Variants in TMEM123 observed in about 807,000 individuals in gnomAD.
The protein encoded by TMEM123 is porimin.
In TMEM123, 16 loss-of-function variants were observed where a neutral mutation model predicts 19.7. That is an observed-to-expected ratio of 0.81 (90% CI 0.55 to 1.23). The LOEUF is 1.23. TMEM123 is among the 50% of genes most tolerant of loss of function. The pLI is 0.00. For missense variants in TMEM123, 313 were observed against 257.8 expected, an observed-to-expected ratio of 1.21 and a Z score of -1.47; for synonymous variants, 118 against 99.4, an observed-to-expected ratio of 1.19 and a Z score of -1.12.
At chr11:102,437,497 T>C (rs1234204771) in intron 2 of TMEM123, among the ~76,000 whole-genome samples, 1 of 152,116 alleles carries the variant, frequency 6.6e-6, no homozygotes, top group Non-Finnish European at 1.5e-5. Flanking sequence ...TTTAAAATGT[T>C]AAATGTTCCC....
chr11:102,398,781 A>C lies in TMEM123; in HGVS notation c.*86T>G. 1 of 1,355,268 alleles carries C rather than the reference A, an allele frequency of 7.4e-7. No homozygotes were observed. The allele number at this position is 1,355,268 out of a possible 1,614,324, so 84.0% of individuals were successfully genotyped here. A position where few individuals can be genotyped will look rare whatever the true frequency, so the allele number is the denominator to read the frequency against. On this transcript the variant is annotated 3_prime_UTR_variant, in exon 5 of 5. Coordinates refer to ENST00000398136, the MANE Select transcript of TMEM123 (RefSeq NM_052932.3). ...GCCTGTTTATACTATTTTCAAAAAGAGAATATTGTTTTAAACTATTAATAA... is the reference window on the plus strand; with the variant it reads ...GCCTGTTTATACTATTTTCAAAAAGCGAATATTGTTTTAAACTATTAATAA...
In TMEM123 at chr11:102,401,523, G is replaced by A. The variant is rs199713215; in HGVS notation, c.602+16C>T. 5.0e-4 allele frequency: 780 copies of A among 1,548,412 alleles called. 1 individual carries two copies. Among genetic ancestry groups the A allele is most frequent in the Non-Finnish European group, 6.4e-4 (737 of 1,156,642 alleles). ...CAACAATTTTTTTTAAAAAGTCCTG[G>A]CCATTCAAAACTTACATGGTTCGAT... is the stretch of plus-strand genomic sequence containing the variant. On this transcript the variant is annotated intron_variant, in intron 4 of 4. Transcript: ENST00000398136.
At chr11:102,413,735 A>G (rs1591556804) in intron 2 of TMEM123, among the ~76,000 whole-genome samples, 2 of 152,198 alleles carry the variant, frequency 1.3e-5, no homozygotes, top group African/African-American at 4.8e-5. Flanking sequence ...GCCTCAAAGG[A>G]CAGCAACTTC....
At chr11:102,442,409 C>T (rs1050359201) in intron 2 of TMEM123, among the ~76,000 whole-genome samples, 7 of 152,144 alleles carry the variant, frequency 4.6e-5, no homozygotes, top group Admixed American at 2.0e-4. Flanking sequence ...AATCAATAAA[C>T]GTAATCCAGC....
At chr11:102,420,780 G>C (rs1250496454) in intron 2 of TMEM123, among the ~76,000 whole-genome samples, 2 of 152,240 alleles carry the variant, frequency 1.3e-5, no homozygotes, top group East Asian at 3.9e-4. Flanking sequence ...AAAACTAGGG[G>C]GCCACCGGGC....
intron 2 of TMEM123, among the ~76,000 whole-genome samples, chr11:102,417,265 G>A (rs750239609): frequency 2.6e-5 from 4 of 152,076 alleles, no homozygotes; most frequent in Non-Finnish European, 4.4e-5. Context: ...TCTGCCCAAG[G>A]GCTCCTAGAT....
intron 2 of TMEM123, among the ~76,000 whole-genome samples, chr11:102,442,380 G>A (rs1857836518): frequency 6.6e-6 from 1 of 152,188 alleles, no homozygotes; most frequent in African/African-American, 2.4e-5. Context: ...TGGGATGCAA[G>A]ACTGGTTCAA....
rs1951920286 is a variant in TMEM123, at chr11:102,402,191, A to T, written c.173T>A (p.Val58Glu). The T allele has an allele frequency of 6.2e-7, 1 of 1,613,994 alleles. No homozygotes were observed. Among genetic ancestry groups the T allele is most frequent in the Non-Finnish European group, 8.5e-7 (1 of 1,179,904 alleles). ...SANSTETLQHVPSDHTNETSN... is the reference protein window; with the variant it reads ...SANSTETLQHEPSDHTNETSN... ...AGTTTCATTTGTATGGTCAGAAGGC[A>T]CATGTTGGAGAGTCTCTGCAATAAT... Residue 58 changes from valine to glutamate, a missense_variant, in exon 3 of 5, where the codon GTG (valine) becomes GAG (glutamate). Physicochemically the swap from Val to Glu is moderately radical, Grantham distance 121 (BLOSUM62 -2). Coordinates refer to ENST00000398136, the MANE Select transcript of TMEM123 (RefSeq NM_052932.3).
At chr11:102,436,933 C>T (rs142017271) in intron 2 of TMEM123, among the ~76,000 whole-genome samples, 178 of 152,330 alleles carry the variant, frequency 1.2e-3, no homozygotes, top group Non-Finnish European at 1.9e-3. Flanking sequence ...GGAAAAACAA[C>T]AGGAACCCAG....
intron 2 of TMEM123, among the ~76,000 whole-genome samples, chr11:102,417,280 T>G (rs970471480): frequency 6.6e-6 from 1 of 152,176 alleles, no homozygotes; most frequent in East Asian, 1.9e-4. Flanking sequence ...CTAGATCTGA[T>G]TAACAATTTC....
chr11:102,407,605 C>G (rs1051210266), intron 2 of TMEM123, among the ~76,000 whole-genome samples: 1 of 152,074 alleles, frequency 6.6e-6, no homozygotes, highest in Non-Finnish European at 1.5e-5. Flanking sequence ...GGTTGGTGAC[C>G]TTATTAAAAG....
intron 2 of TMEM123, among the ~76,000 whole-genome samples, chr11:102,433,269 C>T (rs184780069): frequency 1.3e-5 from 2 of 152,126 alleles, no homozygotes; most frequent in African/African-American, 4.8e-5. Flanking sequence ...CTCTGCAAAG[C>T]CACAGGGGTG....
intron 2 of TMEM123, among the ~76,000 whole-genome samples, chr11:102,431,875 A>G (rs1857714020): frequency 6.6e-6 from 1 of 151,976 alleles, no homozygotes; most frequent in African/African-American, 2.4e-5. Flanking sequence ...AGTTCTCAGG[A>G]GATCTGATGG....
Position 102,408,958 on chromosome 11 carries a change from C to T in TMEM123, c.158-6752G>A, listed in dbSNP as rs890309939. Among the ~76,000 whole-genome samples the T allele has an allele frequency of 5.9e-5, 9 of 152,114 alleles. No individual in the cohort carries two copies. In the South Asian group the frequency reaches 8.3e-4, roughly 14 times the overall value. ...TACTCCTCAAAGTCTGGATTCATTCCGACTATCTCTGCTGTGTTGAAATAA... is the reference window on the plus strand; with the variant it reads ...TACTCCTCAAAGTCTGGATTCATTCTGACTATCTCTGCTGTGTTGAAATAA... On this transcript the variant is annotated intron_variant, in intron 2 of 4. Coordinates refer to ENST00000398136, the MANE Select transcript of TMEM123 (RefSeq NM_052932.3).
At chr11:102,400,069 A>G (rs1490380037) in intron 4 of TMEM123, among the ~76,000 whole-genome samples, 1 of 152,236 alleles carries the variant, frequency 6.6e-6, no homozygotes, top group East Asian at 1.9e-4. Context: ...ATGTTTATTT[A>G]GAGCTTATGT....
intron 4 of TMEM123, among the ~76,000 whole-genome samples, chr11:102,400,933 G>A (rs1406205561): frequency 6.6e-6 from 1 of 152,198 alleles, no homozygotes; most frequent in Non-Finnish European, 1.5e-5. Flanking sequence ...GACTATTGGA[G>A]CAACAAAAGT....
chr11:102,429,968 A>G (rs116187548), intron 2 of TMEM123, among the ~76,000 whole-genome samples: 85 of 152,350 alleles, frequency 5.6e-4, no homozygotes, highest in African/African-American at 1.9e-3. Context: ...CACAGCAGGA[A>G]GACTGGTGGC....
rs1857957839 is a variant in TMEM123 at position 102,452,677 on chromosome 11, G to C, written c.-54C>G. The C allele has an allele frequency of 6.0e-6, 8 of 1,337,216 alleles. 1 individual carries two copies. The South Asian group carries it at 1.1e-4, about 19-fold the overall frequency. The allele number at this position is 1,337,216 out of a possible 1,614,324, so 82.8% of individuals were successfully genotyped here. A position where few individuals can be genotyped will look rare whatever the true frequency, so the allele number is the denominator to read the frequency against. On this transcript the variant is annotated 5_prime_UTR_variant, in exon 1 of 5. Coordinates refer to ENST00000398136, the MANE Select transcript of TMEM123 (RefSeq NM_052932.3). ...GTGGGCTCCCAGCCGAGGTGGCGGC[G>C]GCGAGAGCGGCTCCTCTGCGCAGCC...
At position 102,403,688 on chromosome 11, in the gene TMEM123, G is replaced by A. The variant is rs141195276; in HGVS notation, c.158-1482C>T. ...TTGAAATTTGATCTCCAATGTGGCG[G>A]TCTTGGGAGGTGGGGCCTAGTGGGA... On this transcript the variant is annotated intron_variant, in intron 2 of 4. Transcript: ENST00000398136. 7.4e-4 allele frequency among the ~76,000 whole-genome samples: 113 copies of A among 152,296 alleles called. 2 individuals are homozygous for A. The East Asian group carries it at 0.018, about 24-fold the overall frequency.
Sources: gnomAD v4.1 joint callset for allele counts (sites outside exome capture counted in the v4.1 genomes callset) on GRCh38, gnomAD v4.1.1 for gene constraint, MANE v1.5 for transcripts, NCBI Gene and HGNC (gene_info 2026-07-23, HGNC 2026-07-21) for gene names.